Variants in CCSER1 observed in about 807,000 individuals in gnomAD.
CCSER1 encodes the protein coiled-coil serine rich protein 1, also known as serine-rich coiled-coil domain-containing protein 1.
A neutral mutation model predicts 82.0 loss-of-function variants in CCSER1; 41 were observed. That is an observed-to-expected ratio of 0.50 (90% CI 0.39 to 0.65). The LOEUF is 0.65. Ranked by LOEUF, CCSER1 falls within the 30% of genes least tolerant of loss-of-function variation. The pLI, the probability that CCSER1 is intolerant of heterozygous loss-of-function variation, is 0.00. For synonymous variants in CCSER1, 414 were observed against 383.9 expected, an observed-to-expected ratio of 1.08 and a Z score of -0.92; for missense variants, 1,119 against 1,064.2, an observed-to-expected ratio of 1.05 and a Z score of -0.72.
chr4:91,095,310 C>G (rs1724395275), intron 10 of CCSER1, among the ~76,000 whole-genome samples: 1 of 152,150 alleles, frequency 6.6e-6, no homozygotes, highest in Non-Finnish European at 1.5e-5. Flanking sequence ...TATTTCTTTA[C>G]AGTAGGCACA....
intron 10 of CCSER1, among the ~76,000 whole-genome samples, chr4:91,338,424 A>G (rs1022728831): frequency 1.1e-4 from 16 of 152,138 alleles, no homozygotes; most frequent in African/African-American, 3.6e-4. Context: ...TTAAGGAAAC[A>G]ACTCTGTAAT....
intron 3 of CCSER1, among the ~76,000 whole-genome samples, chr4:90,382,346 T>C (rs2153532425): frequency 6.6e-6 from 1 of 152,164 alleles, no homozygotes; most frequent in Non-Finnish European, 1.5e-5. Flanking sequence ...TTTTAGAGTA[T>C]ATGTCAATAT....
At chr4:90,669,097 G>A (rs1247958247) in intron 6 of CCSER1, among the ~76,000 whole-genome samples, 1 of 151,812 alleles carries the variant, frequency 6.6e-6, no homozygotes, top group Non-Finnish European at 1.5e-5. Context: ...GGAAAAGTAG[G>A]GTATGGAATA....
chr4:90,450,769 C>T (rs937301251), intron 4 of CCSER1, among the ~76,000 whole-genome samples: 2 of 152,146 alleles, frequency 1.3e-5, no homozygotes, highest in Non-Finnish European at 2.9e-5. Flanking sequence ...GTGCCTTTAC[C>T]AGTGCTAAGT....
At position 90,421,404 on chromosome 4, in the gene CCSER1, G is replaced by A. The variant is rs576488693; in HGVS notation, c.1603+21275G>A. ...CCTAAAGTAGGCTAAGCCTTGTCTG[G>A]ATAGTAGAATGATAGTAGATCTGAT... On this transcript the variant is annotated intron_variant, in intron 4 of 10. Transcript: ENST00000509176. 3.3e-5 allele frequency among the ~76,000 whole-genome samples: 5 copies of A among 152,272 alleles called. No homozygotes were observed. In the East Asian group the frequency reaches 7.7e-4, roughly 24 times the overall value.
chr4:90,131,864 A>G (rs989539714), intron 1 of CCSER1, among the ~76,000 whole-genome samples: 3 of 152,056 alleles, frequency 2.0e-5, no homozygotes, highest in Non-Finnish European at 2.9e-5. Context: ...TTCTTTGTGT[A>G]TATAGGTTGA....
chr4:91,201,698 T>C (rs1735912026), intron 10 of CCSER1, among the ~76,000 whole-genome samples: 2 of 152,056 alleles, frequency 1.3e-5, no homozygotes, highest in South Asian at 4.1e-4. Flanking sequence ...GAATTTCTGA[T>C]ATTCTTAGTG....
chr4:90,481,152 A>T (rs1765889456), intron 5 of CCSER1, among the ~76,000 whole-genome samples: 1 of 152,104 alleles, frequency 6.6e-6, no homozygotes, highest in Non-Finnish European at 1.5e-5. Flanking sequence ...TATGAATGGG[A>T]GTTCACTCAT....
At chr4:90,546,616 C>T (rs1274832157) in intron 5 of CCSER1, among the ~76,000 whole-genome samples, 1 of 152,006 alleles carries the variant, frequency 6.6e-6, no homozygotes, top group Non-Finnish European at 1.5e-5. Context: ...TTATTTATGA[C>T]AAAATTTAAG....
intron 10 of CCSER1, among the ~76,000 whole-genome samples, chr4:91,167,269 C>A (rs1194611784): frequency 2.0e-5 from 3 of 147,088 alleles, no homozygotes; most frequent in Non-Finnish European, 4.5e-5. Flanking sequence ...TCACTGTAAC[C>A]TTTGCCTCGT....
At chr4:90,168,537 T>C (rs1474323973) in intron 1 of CCSER1, among the ~76,000 whole-genome samples, 2 of 152,172 alleles carry the variant, frequency 1.3e-5, no homozygotes, top group Non-Finnish European at 2.9e-5. Context: ...GTTTTAGACA[T>C]GAAGTCCTTG....
Position 91,042,533 on chromosome 4 carries a change from C to T in CCSER1, c.2173-43417C>T, listed in dbSNP as rs80095592. Among the ~76,000 whole-genome samples the T allele has an allele frequency of 1.4e-3, 208 of 152,230 alleles. 3 individuals are homozygous for T. In the East Asian group the frequency reaches 0.038, roughly 28 times the overall value. On this transcript the variant is annotated intron_variant, in intron 9 of 10. Transcript: ENST00000509176. ...CCTTATTTAGTTTATCAAAGTAGGTCTGTGCATACATTAATGAAGGTATAC... is the reference window on the plus strand; with the variant it reads ...CCTTATTTAGTTTATCAAAGTAGGTTTGTGCATACATTAATGAAGGTATAC...
chr4:90,431,477 A>C (rs369403217), intron 4 of CCSER1, among the ~76,000 whole-genome samples: 37 of 152,064 alleles, frequency 2.4e-4, no homozygotes, highest in East Asian at 1.7e-3. Flanking sequence ...CTGATAGTTC[A>C]AGAAATAATA....
chr4:90,228,052 G>T (rs1216209213), intron 1 of CCSER1, among the ~76,000 whole-genome samples: 2 of 152,126 alleles, frequency 1.3e-5, no homozygotes, highest in Non-Finnish European at 2.9e-5. Context: ...GGGGAGGGGC[G>T]CCCGCCATTG....
chr4:90,312,546 G>T (rs77651386), intron 2 of CCSER1, among the ~76,000 whole-genome samples: 2,086 of 152,226 alleles, frequency 0.014, 59 homozygotes, highest in African/African-American at 0.047. Flanking sequence ...AACCAAGCCA[G>T]CATAGATTTG....
At chr4:90,417,548 G>A (rs1756006160) in intron 4 of CCSER1, among the ~76,000 whole-genome samples, 1 of 151,864 alleles carries the variant, frequency 6.6e-6, no homozygotes, top group Non-Finnish European at 1.5e-5. Context: ...ATAGAATGAA[G>A]ATATTTTATG....
intron 1 of CCSER1, among the ~76,000 whole-genome samples, chr4:90,198,781 T>G (rs1737082377): frequency 6.6e-6 from 1 of 152,130 alleles, no homozygotes; most frequent in Non-Finnish European, 1.5e-5. Flanking sequence ...TTGAAAAAAG[T>G]GATGAAGAAT....
intron 9 of CCSER1, among the ~76,000 whole-genome samples, chr4:90,931,700 A>G (rs1348533689): frequency 5.3e-5 from 8 of 152,164 alleles, no homozygotes; most frequent in African/African-American, 1.9e-4. Context: ...GAGATCTGCT[A>G]TTCCCTTTGA....
rs548651982 is a variant in CCSER1, at chr4:90,480,623, A to G, written c.1724+12269A>G. The stretch of plus-strand genomic sequence containing the variant: ...CGAGGCAGTTTTCCCAGCACCATTT[A>G]TTGAATAGGGAATCCTTTCCCCATT... On this transcript the variant is annotated intron_variant, in intron 5 of 10. Coordinates refer to ENST00000509176, the MANE Select transcript of CCSER1 (RefSeq NM_001145065.2). Among the ~76,000 whole-genome samples, 22 of 152,288 alleles carry G rather than the reference A, an allele frequency of 1.4e-4. No individual in the cohort carries two copies. In the South Asian group the frequency reaches 4.4e-3, roughly 30 times the overall value.
Sources: allele counts gnomAD v4.1 joint callset (sites outside exome capture counted in the v4.1 genomes callset), GRCh38; gene constraint gnomAD v4.1.1; transcripts MANE v1.5; gene names NCBI Gene and HGNC (gene_info 2026-07-23, HGNC 2026-07-21).